CNBD1: variants seen among roughly 807,000 people sequenced by gnomAD.
The protein encoded by CNBD1 is cyclic nucleotide binding domain containing 1, also known as cyclic nucleotide-binding domain-containing protein 1.
A neutral mutation model predicts 54.4 loss-of-function variants in CNBD1; 71 were observed. The ratio of observed to expected loss-of-function variants is 1.30; its 90% confidence interval spans 1.08 to 1.59. CNBD1 has a LOEUF of 1.59. Ranked by LOEUF, CNBD1 falls within the 40% of genes most tolerant of loss-of-function variation. The pLI is 0.00. For synonymous variants in CNBD1, 182 were observed against 170.7 expected, an observed-to-expected ratio of 1.07 and a Z score of -0.51; for missense variants, 659 against 518.0, an observed-to-expected ratio of 1.27 and a Z score of -2.64.
At chr8:87,363,456 T>G (rs975281702) in intron 10 of CNBD1, among the ~76,000 whole-genome samples, 1 of 152,100 alleles carries the variant, frequency 6.6e-6, no homozygotes, top group African/African-American at 2.4e-5. Context: ...TAATTTAGAC[T>G]CCCACCAACA....
chr8:87,339,708 G>C (rs1810026171), intron 8 of CNBD1, among the ~76,000 whole-genome samples: 1 of 151,714 alleles, frequency 6.6e-6, no homozygotes, highest in Non-Finnish European at 1.5e-5. Context: ...TTTGGTTACT[G>C]TGGGGCTTAC....
In CNBD1 at chr8:87,105,436, C is replaced by A. The variant is rs186739996; in HGVS notation, c.432-100557C>A. Among the ~76,000 whole-genome samples the A allele has an allele frequency of 1.9e-3, 287 of 152,254 alleles. 1 individual carries two copies. Among genetic ancestry groups the A allele is most frequent in the Non-Finnish European group, 1.9e-3 (126 of 68,008 alleles). ...TATGATCTTAGGGTAGGTAGGAATG[C>A]TATAAATATGAAATTATCCCATATC... On this transcript the variant is annotated intron_variant, in intron 4 of 10. Transcript: ENST00000518476.
chr8:86,907,474 C>T (rs1809034430), intron 3 of CNBD1, among the ~76,000 whole-genome samples: 2 of 151,898 alleles, frequency 1.3e-5, no homozygotes, highest in Non-Finnish European at 2.9e-5. Context: ...TTGAGACCAT[C>T]CTGGCCAACA....
At chr8:87,410,379 A>G (rs1479813746) in intron 2 of CNBD1, among the ~76,000 whole-genome samples, 1 of 152,172 alleles carries the variant, frequency 6.6e-6, no homozygotes, top group African/African-American at 2.4e-5. Context: ...TCTATAAAGA[A>G]TTTACTATTC....
intron 5 of CNBD1, among the ~76,000 whole-genome samples, chr8:87,225,734 T>C (rs1586343631): frequency 1.3e-5 from 2 of 151,842 alleles, no homozygotes; most frequent in African/African-American, 4.8e-5. Flanking sequence ...GGCTTTGGTA[T>C]CAGAATGATG....
At chr8:87,404,592 A>C (rs1351043891) in intron 2 of CNBD1, among the ~76,000 whole-genome samples, 3 of 152,100 alleles carry the variant, frequency 2.0e-5, no homozygotes, top group Non-Finnish European at 4.4e-5. Flanking sequence ...AATTTGTTGC[A>C]TGTAGAAGTG....
downstream of CNBD1, among the ~76,000 whole-genome samples, chr8:87,385,919 T>G (rs909376841): frequency 1.3e-5 from 2 of 151,892 alleles, no homozygotes; most frequent in Admixed American, 6.6e-5. Flanking sequence ...TGAGACAAAA[T>G]TTCCAGAGGA....
intron 4 of CNBD1, among the ~76,000 whole-genome samples, chr8:87,113,939 A>C (rs566777806): frequency 6.6e-6 from 1 of 152,234 alleles, no homozygotes; most frequent in Admixed American, 6.5e-5. Context: ...AAAAGAAAGA[A>C]ATAGAAATGA....
At chr8:86,963,427 C>T (rs1324354443) in intron 4 of CNBD1, among the ~76,000 whole-genome samples, 2 of 152,156 alleles carry the variant, frequency 1.3e-5, no homozygotes, top group African/African-American at 4.8e-5. Context: ...TCCAGGGCTT[C>T]AAACTGAAGC....
At chr8:87,421,192 T>A (rs987764098) in intron 2 of CNBD1, among the ~76,000 whole-genome samples, 22 of 152,212 alleles carry the variant, frequency 1.4e-4, no homozygotes, top group Middle Eastern at 6.8e-3. Flanking sequence ...ATTAGGCAAG[T>A]TACATAATTC....
chr8:87,314,668 T>G (rs1298266940), intron 8 of CNBD1, among the ~76,000 whole-genome samples: 5 of 151,978 alleles, frequency 3.3e-5, no homozygotes, highest in Non-Finnish European at 7.4e-5. Context: ...ATGACAAAAT[T>G]TTTAAGAAAT....
intron 4 of CNBD1, among the ~76,000 whole-genome samples, chr8:87,020,114 C>T (rs1586202376): frequency 6.6e-6 from 1 of 152,024 alleles, no homozygotes; most frequent in East Asian, 1.9e-4. Context: ...TATCATATTA[C>T]TATATTAACA....
intron 6 of CNBD1, among the ~76,000 whole-genome samples, chr8:87,252,328 A>G (rs1438640034): frequency 6.6e-6 from 1 of 152,196 alleles, no homozygotes; most frequent in Non-Finnish European, 1.5e-5. Flanking sequence ...TTGACTCTCA[A>G]TATTTTCCTA....
At chr8:86,976,351 T>A (rs191930518) in intron 4 of CNBD1, among the ~76,000 whole-genome samples, 1 of 152,036 alleles carries the variant, frequency 6.6e-6, no homozygotes, top group East Asian at 1.9e-4. Flanking sequence ...CTTGTGGTTT[T>A]ATAGTCTTAG....
At chr8:87,382,534 T>C (rs1811099928) in intron 10 of CNBD1, 86 bp from the exon 11 acceptor site, 2 of 1,057,058 alleles carry the variant, frequency 1.9e-6, no homozygotes, top group Non-Finnish European at 2.8e-6. Flanking sequence ...AGCAATGTAA[T>C]TTTAGGGTTC....
At chr8:86,932,661 C>T (rs903224469) in intron 3 of CNBD1, among the ~76,000 whole-genome samples, 6 of 151,852 alleles carry the variant, frequency 4.0e-5, no homozygotes, top group African/African-American at 1.5e-4. Context: ...ATTTTTTTTC[C>T]ATCAGAGAGA....
rs913886294 is a variant in CNBD1 at position 87,166,344 on chromosome 8, G to C, written c.432-39649G>C. Among the ~76,000 whole-genome samples, 6 of 151,824 alleles carry C rather than the reference G, an allele frequency of 4.0e-5. No individual in the cohort carries two copies. The highest frequency in any genetic ancestry group is 1.4e-4 in the African/African-American group (6 of 41,386). ...TTTTTACTGATGTCGCTTGTCTCCAGGTCACCATAGCTTCTCGCTTTGATA... is the reference window on the plus strand; with the variant it reads ...TTTTTACTGATGTCGCTTGTCTCCACGTCACCATAGCTTCTCGCTTTGATA... On this transcript the variant is annotated intron_variant, in intron 4 of 10. Transcript: ENST00000518476. This position sits in a 1 kb window ranked among gnomAD's most constrained non-coding sequence, Gnocchi z 4.3.
chr8:87,098,991 C>T lies in CNBD1; in HGVS notation c.432-107002C>T, dbSNP rs540296115. On this transcript the variant is annotated intron_variant, in intron 4 of 10. Transcript: ENST00000518476. ...GGCAGGGGTTGCAGTGAGCTAAGATCATGCCATTGCACTCCAGCCTGGGAC... is the reference window on the plus strand; with the variant it reads ...GGCAGGGGTTGCAGTGAGCTAAGATTATGCCATTGCACTCCAGCCTGGGAC... 2.5e-5 allele frequency among the ~76,000 whole-genome samples: 3 copies of T among 120,534 alleles called. No individual in the cohort carries two copies. In the South Asian group the frequency reaches 8.7e-4, roughly 35 times the overall value. The allele number at this position is 120,534 out of a possible 152,430, so 79.1% of individuals were successfully genotyped here.
intron 5 of CNBD1, among the ~76,000 whole-genome samples, chr8:87,216,474 G>C (rs1234839627): frequency 6.6e-6 from 1 of 152,048 alleles, no homozygotes; most frequent in African/African-American, 2.4e-5. Flanking sequence ...ATAACATACT[G>C]TGTGGAATTC....
Sources: allele counts gnomAD v4.1 joint callset (sites outside exome capture counted in the v4.1 genomes callset), GRCh38; gene constraint gnomAD v4.1.1; non-coding constraint Gnocchi (gnomAD v3.1); transcripts MANE v1.5; gene names NCBI Gene and HGNC (gene_info 2026-07-23, HGNC 2026-07-21).